Variants in MBNL2 observed in about 807,000 individuals in gnomAD.
MBNL2 encodes muscleblind-like protein 2.
MBNL2 carries 17 observed loss-of-function variants against 41.9 expected under a neutral mutation model. The observed-to-expected ratio is 0.41, with a 90% CI of 0.28 to 0.61. MBNL2 has a LOEUF of 0.61. Among genes scored for constraint, MBNL2 ranks in the 20% least tolerant of loss-of-function variants. The pLI is 0.35. For missense variants in MBNL2, 336 were observed against 505.6 expected (o/e 0.66, Z 3.22); for synonymous variants, 195 against 182.9 (o/e 1.07, Z -0.53).
intron 1 of MBNL2, among the ~76,000 whole-genome samples, chr13:97,266,602 G>A (rs906762010): frequency 2.6e-4 from 40 of 152,230 alleles, no homozygotes; most frequent in African/African-American, 8.4e-4. Context: ...CTTAGGATGC[G>A]GCCAAGTCAT....
intron 1 of MBNL2, among the ~76,000 whole-genome samples, chr13:97,224,738 A>G (rs2041346532): frequency 6.6e-6 from 1 of 152,122 alleles, no homozygotes; most frequent in African/African-American, 2.4e-5. Context: ...AACACCTTAG[A>G]GTATTAAGAT....
chr13:97,206,235 C>T, the MBNL2 span, among the ~76,000 whole-genome samples: 3 of 152,094 alleles, frequency 2.0e-5, no homozygotes, highest in Middle Eastern at 3.2e-3. Context: ...AGAGAGCAAG[C>T]CACGTAGATT....
At chr13:97,176,584 C>T in the MBNL2 span, among the ~76,000 whole-genome samples, 3 of 152,070 alleles carry the variant, frequency 2.0e-5, no homozygotes, top group African/African-American at 7.2e-5. Context: ...TGGACTTCCA[C>T]GAATGTATTG....
chr13:97,317,035 CT>C (rs1335707031), intron 2 of MBNL2, among the ~76,000 whole-genome samples: 2 of 152,170 alleles, frequency 1.3e-5, no homozygotes, highest in African/African-American at 2.4e-5. Flanking sequence ...GTTGGCAGCA[CT>C]GTCACACATC....
At chr13:97,331,056 TG>T (rs1252715382) in intron 2 of MBNL2, among the ~76,000 whole-genome samples, 2 of 152,222 alleles carry the variant, frequency 1.3e-5, no homozygotes, top group Non-Finnish European at 2.9e-5. Flanking sequence ...TTAACATGTT[TG>T]GTGTGAAAGT....
At chr13:97,192,162 G>A in the MBNL2 span, among the ~76,000 whole-genome samples, 1 of 152,138 alleles carries the variant, frequency 6.6e-6, no homozygotes, top group Admixed American at 6.5e-5. Flanking sequence ...AACATCTTCA[G>A]ATACTGAAGC....
chr13:97,153,123 A>G, the MBNL2 span, among the ~76,000 whole-genome samples: 1 of 152,242 alleles, frequency 6.6e-6, no homozygotes, highest in Non-Finnish European at 1.5e-5. Context: ...GTAAAAAATT[A>G]CTAACTCCAG....
the MBNL2 span, among the ~76,000 whole-genome samples, chr13:97,169,624 T>C: frequency 6.6e-6 from 1 of 152,196 alleles, no homozygotes; most frequent in Non-Finnish European, 1.5e-5. Flanking sequence ...GACCACATAA[T>C]AGTCTTTCGC....
At chr13:97,347,230 T>C (rs1311408022) in intron 5 of MBNL2, among the ~76,000 whole-genome samples, 163 bp downstream of exon 5, 1 of 152,166 alleles carries the variant, frequency 6.6e-6, no homozygotes, top group Non-Finnish European at 1.5e-5. Flanking sequence ...TTTTGTTTTG[T>C]TTTGTTTTCC....
the MBNL2 span, among the ~76,000 whole-genome samples, chr13:97,209,005 A>G: frequency 6.6e-6 from 1 of 152,230 alleles, no homozygotes; most frequent in South Asian, 2.1e-4. Flanking sequence ...AGTGGTTTTT[A>G]TATCCAACAG....
At chr13:97,211,205 T>A in the MBNL2 span, among the ~76,000 whole-genome samples, 1 of 152,136 alleles carries the variant, frequency 6.6e-6, no homozygotes. Flanking sequence ...ATGAAAGATT[T>A]CTTCTAGCCC....
At chr13:97,163,575 G>T in the MBNL2 span, among the ~76,000 whole-genome samples, 1 of 152,220 alleles carries the variant, frequency 6.6e-6, no homozygotes, top group Non-Finnish European at 1.5e-5. Flanking sequence ...CACCTGAGCA[G>T]ATGGTAGGAG....
rs2153079818 is a variant in MBNL2, at chr13:97,341,583, A to C, written c.340-1433A>C. 2.0e-5 allele frequency among the ~76,000 whole-genome samples: 3 copies of C among 152,228 alleles called. 1 individual carries two copies. The South Asian group carries it at 6.2e-4, about 32-fold the overall frequency. On this transcript the variant is annotated intron_variant, in intron 3 of 8. Transcript: ENST00000679496. ...ACCTCATATTGCAACTTTCTCCCAA[A>C]GTGGATTTTACGTCTGAGCCATAGA...
intron 2 of MBNL2, among the ~76,000 whole-genome samples, chr13:97,291,259 T>C (rs1250123829): frequency 6.6e-6 from 1 of 152,032 alleles, no homozygotes; most frequent in East Asian, 1.9e-4. Context: ...ATTATTATTT[T>C]GAGACAGAGT....
At chr13:97,218,429 A>C (rs2040561754), upstream of MBNL2, among the ~76,000 whole-genome samples, 1 of 107,640 alleles carries the variant, frequency 9.3e-6, no homozygotes, top group South Asian at 2.8e-4. Flanking sequence ...CAAAAACAAA[A>C]CAAAACAAAA....
chr13:97,164,999 T>C, the MBNL2 span, among the ~76,000 whole-genome samples: 1 of 151,352 alleles, frequency 6.6e-6, no homozygotes, highest in Non-Finnish European at 1.5e-5. Flanking sequence ...CGGTCAGGAG[T>C]TCAAGACAAG....
At chr13:97,304,914 GA>G (rs2057986650) in intron 2 of MBNL2, among the ~76,000 whole-genome samples, 1 of 152,190 alleles carries the variant, frequency 6.6e-6, no homozygotes, top group East Asian at 1.9e-4. Context: ...GCCTAATTTA[GA>G]GAAGCTCTGT....
intron 1 of MBNL2, among the ~76,000 whole-genome samples, chr13:97,265,281 A>G (rs544842459): frequency 6.6e-6 from 1 of 152,272 alleles, no homozygotes; most frequent in African/African-American, 2.4e-5. Context: ...AAAGTTGGAA[A>G]TTTCTCCTTT....
chr13:97,377,951 A>G (rs2065106312), intron 8 of MBNL2, among the ~76,000 whole-genome samples: 1 of 152,178 alleles, frequency 6.6e-6, no homozygotes, highest in South Asian at 2.1e-4. Context: ...TGTGGAACTT[A>G]TGTGGGGAGA....
Sources: allele counts gnomAD v4.1 joint callset (sites outside exome capture counted in the v4.1 genomes callset), GRCh38; gene constraint gnomAD v4.1.1; transcripts MANE v1.5; gene names NCBI Gene and HGNC (gene_info 2026-07-23, HGNC 2026-07-21).